TJP3: variants seen among roughly 807,000 people sequenced by gnomAD.
The protein encoded by TJP3 is tight junction protein ZO-3.
TJP3 carries 85 observed loss-of-function variants against 104.2 expected under a neutral mutation model. That is an observed-to-expected ratio of 0.82 (90% CI 0.68 to 0.98). The LOEUF is 0.98. Ranked by LOEUF, TJP3 falls within the 50% of genes least tolerant of loss-of-function variation. The pLI is 0.00. For synonymous variants in TJP3, 550 were observed against 550.6 expected, an observed-to-expected ratio of 1.00 and a Z score of 0.02; for missense variants, 1,367 against 1,322.8, an observed-to-expected ratio of 1.03 and a Z score of -0.52.
intron 11 of TJP3, 63 bp downstream of exon 11, chr19:3,736,384 C>T: frequency 7.0e-7 from 1 of 1,420,510 alleles, no homozygotes; most frequent in Middle Eastern, 2.0e-4. Flanking sequence ...AGGTCCTGCC[C>T]TTGTCTGTTC....
At chr19:3,740,847 AG>A (rs980514708) in intron 14 of TJP3, 84 bp downstream of exon 14, 14 of 1,347,962 alleles carry the variant, frequency 1.0e-5, no homozygotes, top group Non-Finnish European at 1.4e-5. Flanking sequence ...AGCCTCTAAA[AG>A]GCACAGTCTT....
Position 3,746,177 on chromosome 19 carries a change from C to G in TJP3, c.2010+96C>G, listed in dbSNP as rs549361536. The G allele has an allele frequency of 3.2e-6, 4 of 1,246,492 alleles. 1 individual carries two copies. The South Asian group carries it at 3.9e-5, about 12-fold the overall frequency. 77.2% of individuals were successfully genotyped at this position (1,246,492 alleles called of 1,614,324 possible). On this transcript the variant is annotated intron_variant, in intron 16 of 20. Transcript: ENST00000541714. The surrounding 1 kb of genome is among the most constrained non-coding windows in gnomAD (Gnocchi z 4.1). The stretch of plus-strand genomic sequence containing the variant: ...GTCCTGACCTGTTCTCAGCCCACAC[C>G]CCACAAGTGCAGTCTTCCATAGAGC...
At position 3,735,852 on chromosome 19, in the gene TJP3, T is replaced by C. The variant is rs182564115; in HGVS notation, c.1061-17T>C. On this transcript the variant is annotated splice_polypyrimidine_tract_variant and intron_variant, in intron 9 of 20. Transcript: ENST00000541714. ...GAGCCAGTGTGCTTGGGAAAGAGAC[T>C]GGCTTTTCCCTTTCAGAGTTGCCCA... 514 of 1,614,070 alleles carry C rather than the reference T, an allele frequency of 3.2e-4. 2 individuals are homozygous for C. In the African/African-American group the frequency reaches 5.9e-3, roughly 19 times the overall value.
At chr19:3,734,555 T>C in intron 8 of TJP3, 120 bp downstream of exon 8, 3 of 872,204 alleles carry the variant, frequency 3.4e-6, no homozygotes, top group South Asian at 1.8e-5. Context: ...CCTGTATTTC[T>C]AGCATGTGCC....
At position 3,738,606 on chromosome 19, in the gene TJP3, CT is replaced by C; in HGVS notation, c.1337del (p.Leu446ArgfsTer13). On this transcript the variant is annotated frameshift_variant, in exon 12 of 21. Transcript: ENST00000541714. LOFTEE classifies it high-confidence loss of function. ...NLTREEAVQF[L>X]LGLPPGEEME... ...GACACGGGAGGAGGCAGTGCAGTTC[CT>C]GCTGGGGCTGCCACCAGGCGAGGAG... 1.2e-6 allele frequency: 2 copies of C among 1,614,006 alleles called. No homozygotes were observed. Among genetic ancestry groups the C allele is most frequent in the Non-Finnish European group, 1.7e-6 (2 of 1,179,992 alleles).
chr19:3,719,380 A>G (rs2036521345), intron 1 of TJP3, among the ~76,000 whole-genome samples: 1 of 151,872 alleles, frequency 6.6e-6, no homozygotes, highest in Non-Finnish European at 1.5e-5. Flanking sequence ...GGCTCCAGGA[A>G]CCCATGCTGT....
chr19:3,736,294 C>T lies in TJP3; in HGVS notation c.1257C>T (p.Gly419=). ...VQAGSPADGQ[G]IQEGDQILQV... ...CGGGCAGCCCGGCCGACGGGCAGGG[C>T]ATCCAGGAGGGAGATCAGATTCTGC... The change falls in exon 11 of 21, where the codon GGC becomes GGT. Residue 419 remains glycine (G), a synonymous_variant. Coordinates refer to ENST00000541714, the MANE Select transcript of TJP3 (RefSeq NM_001267560.2). The T allele has an allele frequency of 6.5e-7, 1 of 1,538,526 alleles. No individual in the cohort carries two copies. The highest frequency in any genetic ancestry group is 2.3e-5 in the East Asian group (1 of 44,156).
chr19:3,738,070 C>T (rs2036760555), intron 11 of TJP3, among the ~76,000 whole-genome samples: 1 of 77,184 alleles, frequency 1.3e-5, no homozygotes, highest in African/African-American at 5.1e-5. Context: ...TGTCATGACC[C>T]GGAGAGCAGA....
chr19:3,737,691 T>C (rs2036754730), intron 11 of TJP3, among the ~76,000 whole-genome samples: 1 of 152,110 alleles, frequency 6.6e-6, no homozygotes, highest in African/African-American at 2.4e-5. Context: ...CATGATGGAG[T>C]CACAGCTCCC....
intron 19 of TJP3, chr19:3,749,466 A>G (rs1307572601): frequency 6.6e-6 from 1 of 151,952 alleles, no homozygotes; most frequent in Non-Finnish European, 1.5e-5. Context: ...CAGCCTCCGG[A>G]GTAGCTGGGA....
At position 3,730,732 on chromosome 19, in the gene TJP3, C is replaced by G. The variant is rs527835771; in HGVS notation, c.613+26C>G. ...GTCAGAAGAGGCGGGAGGTCGGACA[C>G]GATCAGTACTGGACACAGGGCACCG... On this transcript the variant is annotated intron_variant, in intron 5 of 20. Transcript: ENST00000541714. The surrounding 1 kb of genome is among the most constrained non-coding windows in gnomAD (Gnocchi z 7.3). The G allele has an allele frequency of 1.9e-6, 3 of 1,595,936 alleles. No individual in the cohort carries two copies. The highest frequency in any genetic ancestry group is 2.5e-6 in the Non-Finnish European group (3 of 1,177,120).
At chr19:3,720,095 T>C (rs1166631517) in intron 1 of TJP3, among the ~76,000 whole-genome samples, 2 of 148,558 alleles carry the variant, frequency 1.3e-5, no homozygotes, top group Non-Finnish European at 2.9e-5. Flanking sequence ...GGGGCTATTA[T>C]TTTCCCCAAT....
chr19:3,726,903 C>T (rs1291810642), intron 1 of TJP3, among the ~76,000 whole-genome samples: 1 of 151,048 alleles, frequency 6.6e-6, no homozygotes, highest in Non-Finnish European at 1.5e-5. Context: ...CTTGGCAACA[C>T]AGAGAGACTC....
In TJP3 at chr19:3,736,179, C is replaced by G; in HGVS notation, c.1142C>G (p.Thr381Arg). The change falls in exon 11 of 21, where the codon ACG becomes AGG. Residue 381 changes from threonine (T) to arginine (R), a missense_variant. Physicochemically the swap from Thr to Arg is moderately conservative, Grantham distance 71. Coordinates refer to ENST00000541714, the MANE Select transcript of TJP3 (RefSeq NM_001267560.2). ...TCCCCTTGCAGGTACAGCCCCGACA[C>G]GCGTGTGGTCCGCTTCCTCAAGGGC... ...SMEDRGYSPD[T>R]RVVRFLKGKS... The G allele has an allele frequency of 6.3e-7, 1 of 1,595,108 alleles. No homozygotes were observed. The highest frequency in any genetic ancestry group is 8.5e-7 in the Non-Finnish European group (1 of 1,170,822).
chr19:3,729,947 G>T, intron 3 of TJP3, 81 bp from the exon 4 acceptor site: 2 of 1,152,836 alleles, frequency 1.7e-6, no homozygotes, highest in Admixed American at 3.4e-5. Context: ...AGGTTCCAGG[G>T]GCACCCCCTC....
intron 14 of TJP3, among the ~76,000 whole-genome samples, chr19:3,742,598 T>A (rs1362016383): frequency 9.1e-6 from 1 of 109,940 alleles, no homozygotes; most frequent in African/African-American, 3.5e-5. Flanking sequence ...GAGAAAAGCC[T>A]TTGACACTGT....
chr19:3,746,133 C>A lies in TJP3; in HGVS notation c.2010+52C>A. On this transcript the variant is annotated intron_variant, in intron 16 of 20. Coordinates refer to ENST00000541714, the MANE Select transcript of TJP3 (RefSeq NM_001267560.2). The surrounding 1 kb of genome is among the most constrained non-coding windows in gnomAD (Gnocchi z 4.1). Reference sequence around the variant, plus strand: ...ATTTCATGGATGGGGGAAACCGAGGCCTGGGCATCCAACTGAATGTCCTGA... The same window carrying A: ...ATTTCATGGATGGGGGAAACCGAGGACTGGGCATCCAACTGAATGTCCTGA... 6.6e-7 allele frequency: 1 copy of A among 1,519,178 alleles called. No homozygotes were observed. The highest frequency in any genetic ancestry group is 2.4e-5 in the East Asian group (1 of 42,218). The allele number at this position is 1,519,178 out of a possible 1,614,324, so 94.1% of individuals were successfully genotyped here.
intron 1 of TJP3, among the ~76,000 whole-genome samples, chr19:3,723,809 ATATATAT>A (rs1348428280): frequency 4.6e-5 from 4 of 86,100 alleles, no homozygotes; most frequent in Admixed American, 1.3e-4. Flanking sequence ...AAAAAAAAAA[ATATATAT>A]ATATATATAT....
At chr19:3,728,844 G>A in intron 3 of TJP3, 131 bp downstream of exon 3, 1 of 944,726 alleles carries the variant, frequency 1.1e-6, no homozygotes, top group East Asian at 2.6e-5. Flanking sequence ...CCTGAGTTCA[G>A]GAGTTTGAGA....
Sources: gnomAD v4.1 joint callset for allele counts (sites outside exome capture counted in the v4.1 genomes callset) on GRCh38, gnomAD v4.1.1 for gene constraint, Gnocchi (gnomAD v3.1) non-coding constraint, MANE v1.5 for transcripts, NCBI Gene and HGNC (gene_info 2026-07-23, HGNC 2026-07-21) for gene names.